LRIT1: variants seen among roughly 807,000 people sequenced by gnomAD.
The protein encoded by LRIT1 is leucine-rich repeat, immunoglobulin-like domain and transmembrane domain-containing protein 1.
LRIT1 carries 23 observed loss-of-function variants against 24.0 expected under a neutral mutation model. That is an observed-to-expected ratio of 0.96 (90% CI 0.69 to 1.36). LRIT1 has a LOEUF of 1.36. LRIT1 is among the 40% of genes most tolerant of loss of function. The pLI, the probability that LRIT1 is intolerant of heterozygous loss-of-function variation, is 0.00. For missense variants in LRIT1, 846 were observed against 806.3 expected, an observed-to-expected ratio of 1.05 and a Z score of -0.60; for synonymous variants, 361 against 340.5, an observed-to-expected ratio of 1.06 and a Z score of -0.66.
In LRIT1 at chr10:84,232,303, C is replaced by T. The variant is rs762883826; in HGVS notation, c.1496G>A (p.Cys499Tyr). ...CTTCCGGGGCACCAGGCCCTGCACA[C>T]AGACACACGCCACATACTTGGTCTT... ...LPKTKYVACV[C>Y]VQGLVPRKEQ... Residue 499 changes from cysteine to tyrosine, a missense_variant, in exon 4 of 4, where the codon TGT (cysteine) becomes TAT (tyrosine). Coordinates refer to ENST00000372105, the MANE Select transcript of LRIT1 (RefSeq NM_015613.3). 1.2e-6 allele frequency: 2 copies of T among 1,613,946 alleles called. No homozygotes were observed. Among genetic ancestry groups the T allele is most frequent in the African/African-American group, 1.3e-5 (1 of 74,944 alleles).
At chr10:84,237,087 C>G in intron 2 of LRIT1, 133 bp downstream of exon 2, 1 of 735,668 alleles carries the variant, frequency 1.4e-6, no homozygotes, top group South Asian at 1.8e-5. Flanking sequence ...CTCCTAAACC[C>G]GCCGCTCTTG....
rs907495215 is a variant in LRIT1 at position 84,237,235 on chromosome 10, G to A, written c.574C>T (p.Pro192Ser). 3 of 1,550,354 alleles carry A rather than the reference G, an allele frequency of 1.9e-6. No homozygotes were observed. Among genetic ancestry groups the A allele is most frequent in the Admixed American group, 2.0e-5 (1 of 51,010 alleles). Residue 192 changes from proline to serine, a missense_variant, in exon 2 of 4, where the codon CCC becomes TCC. Coordinates refer to ENST00000372105, the MANE Select transcript of LRIT1 (RefSeq NM_015613.3). ...CGACCCTTACCTAGGACCCGCCTGG[G>A]GTGGTGGCCGGGAGGAAAGATACCG... ...ETGIFPPGHH[P>S]RRVLGLQDNP...
rs2132866090 is a variant in LRIT1 at position 84,237,240 on chromosome 10, T to A, written c.569A>T (p.His190Leu). ...HLETGIFPPGHHPRRVLGLQD... is the reference protein window; with the variant it reads ...HLETGIFPPGLHPRRVLGLQD... Reference sequence around the variant, plus strand: ...CTTACCTAGGACCCGCCTGGGGTGGTGGCCGGGAGGAAAGATACCGGTCTC... The same window carrying A: ...CTTACCTAGGACCCGCCTGGGGTGGAGGCCGGGAGGAAAGATACCGGTCTC... The change falls in exon 2 of 4, where the codon CAC (histidine) becomes CTC (leucine). Residue 190 changes from histidine (H) to leucine (L), a missense_variant. His to Leu is a moderately conservative substitution (Grantham distance 99, BLOSUM62 -3). Coordinates refer to ENST00000372105, the MANE Select transcript of LRIT1 (RefSeq NM_015613.3). 2.6e-6 allele frequency: 4 copies of A among 1,550,332 alleles called. No homozygotes were observed. The highest frequency in any genetic ancestry group is 3.5e-6 in the Non-Finnish European group (4 of 1,146,922).
Position 84,232,047 on chromosome 10 carries a change from C to A in LRIT1, c.1752G>T (p.Leu584Phe), listed in dbSNP as rs1225682242. 1 of 1,614,160 alleles carries A rather than the reference C, an allele frequency of 6.2e-7. No individual in the cohort carries two copies. The highest frequency in any genetic ancestry group is 8.5e-7 in the Non-Finnish European group (1 of 1,180,024). ...TGACACTGTGCCGGGACAGCTCCTC[C>A]AAGCCGTCCTCGCTGTAGCCCAGTC... is the stretch of plus-strand genomic sequence containing the variant. ...LERLGYSEDG[L>F]EELSRHSVSE... The change falls in exon 4 of 4, where the codon TTG becomes TTT. Residue 584 changes from leucine (L) to phenylalanine (F), a missense_variant. By Grantham distance (22) the Leu-to-Phe change is conservative. Coordinates refer to ENST00000372105, the MANE Select transcript of LRIT1 (RefSeq NM_015613.3).
At chr10:84,234,479 G>C in intron 2 of LRIT1, 101 bp from the exon 3 acceptor site, 1 of 950,616 alleles carries the variant, frequency 1.1e-6, no homozygotes, top group Non-Finnish European at 1.5e-6. Flanking sequence ...TCCTCATTCA[G>C]AGTCAGCAGA....
intron 1 of LRIT1, among the ~76,000 whole-genome samples, chr10:84,239,815 A>G (rs912362523): frequency 2.0e-5 from 3 of 152,186 alleles, no homozygotes; most frequent in Non-Finnish European, 2.9e-5. Context: ...GGCTTCTGAC[A>G]TGCAGAACGA....
chr10:84,236,431 T>C (rs936406744), intron 2 of LRIT1, among the ~76,000 whole-genome samples: 1 of 151,972 alleles, frequency 6.6e-6, no homozygotes, highest in Non-Finnish European at 1.5e-5. Context: ...GTTTATAACA[T>C]AGTGCAGATA....
At position 84,232,358 on chromosome 10, in the gene LRIT1, T is replaced by C; in HGVS notation, c.1441A>G (p.Thr481Ala). 1 of 1,613,832 alleles carries C rather than the reference T, an allele frequency of 6.2e-7. No individual in the cohort carries two copies. The highest frequency in any genetic ancestry group is 8.5e-7 in the Non-Finnish European group (1 of 1,179,884). The stretch of plus-strand genomic sequence containing the variant: ...AACAGCCCAGTGATGGTCACTCTGG[T>C]CTTCCCAGGCTGCACAATCACCCGC... ...MRRVIVQPGK[T>A]RVTITGLLPK... The change falls in exon 4 of 4, where the codon ACC becomes GCC. Residue 481 changes from threonine (T) to alanine (A), a missense_variant. Thr to Ala is a moderately conservative substitution (Grantham distance 58, BLOSUM62 0). Transcript: ENST00000372105.
In LRIT1 at chr10:84,237,463, C is replaced by G. The variant is rs766437891; in HGVS notation, c.346G>C (p.Gly116Arg). ...CAGGGGAAGGCGGCCAGGCGGTTCC[C>G]GGGCAGCCGCAGCTCCCGCAGGCGT... ...LRRLRELRLP[G>R]NRLAAFPWAA... The change falls in exon 2 of 4, where the codon GGG (glycine) becomes CGG (arginine). Residue 116 changes from glycine to arginine, a missense_variant. Physicochemically the swap from Gly to Arg is moderately radical, Grantham distance 125. Coordinates refer to ENST00000372105, the MANE Select transcript of LRIT1 (RefSeq NM_015613.3). The G allele has an allele frequency of 2.6e-6, 4 of 1,567,480 alleles. No homozygotes were observed. The highest frequency in any genetic ancestry group is 1.3e-5 in the African/African-American group (1 of 74,102).
At chr10:84,234,518 T>G in intron 2 of LRIT1, 140 bp from the exon 3 acceptor site, 2 of 554,558 alleles carry the variant, frequency 3.6e-6, no homozygotes, top group Non-Finnish European at 6.1e-6. Flanking sequence ...CTCCTTGCCT[T>G]GCTAGTAGTA....
intron 2 of LRIT1, among the ~76,000 whole-genome samples, chr10:84,236,445 T>C (rs1388576600): frequency 6.6e-6 from 1 of 152,228 alleles, no homozygotes; most frequent in East Asian, 1.9e-4. Context: ...GCAGATATAG[T>C]ATACTATAGA....
At chr10:84,234,796 A>T (rs1177543036) in intron 2 of LRIT1, among the ~76,000 whole-genome samples, 2 of 152,132 alleles carry the variant, frequency 1.3e-5, no homozygotes, top group African/African-American at 4.8e-5. Flanking sequence ...CCCAGTATAA[A>T]TGGTATTTTC....
intron 3 of LRIT1, 48 bp from the exon 4 acceptor site, chr10:84,232,951 C>A: frequency 6.4e-7 from 1 of 1,566,612 alleles, no homozygotes; most frequent in South Asian, 1.2e-5. Context: ...GCCCATCTGC[C>A]CCAAGCTGCC....
rs535903526 is a variant in LRIT1 at position 84,239,060 on chromosome 10, C to A, written c.123-1374G>T. 7.9e-5 allele frequency among the ~76,000 whole-genome samples: 12 copies of A among 152,320 alleles called. 1 individual carries two copies. In the East Asian group the frequency reaches 2.3e-3, roughly 29 times the overall value. ...ATCACCAGCATCCCTCAGCATAAGTCTATGCTCCACTTAAAGGCAGCTGGG... is the reference window on the plus strand; with the variant it reads ...ATCACCAGCATCCCTCAGCATAAGTATATGCTCCACTTAAAGGCAGCTGGG... On this transcript the variant is annotated intron_variant, in intron 1 of 3. Coordinates refer to ENST00000372105, the MANE Select transcript of LRIT1 (RefSeq NM_015613.3).
In LRIT1 at chr10:84,232,504, C is replaced by G; in HGVS notation, c.1295G>C (p.Arg432Thr). ...RAGPSEARMV[R>T]SVKVVGDTYH... ...AGTGTCCCCCACCACCTTCACAGACCTCACCATTCGTGCCTCTGAGGGTCC... is the reference window on the plus strand; with the variant it reads ...AGTGTCCCCCACCACCTTCACAGACGTCACCATTCGTGCCTCTGAGGGTCC... The change falls in exon 4 of 4, where the codon AGG becomes ACG. Residue 432 changes from arginine to threonine, a missense_variant. Coordinates refer to ENST00000372105, the MANE Select transcript of LRIT1 (RefSeq NM_015613.3). The G allele has an allele frequency of 1.9e-6, 3 of 1,614,204 alleles. No homozygotes were observed. Among genetic ancestry groups the G allele is most frequent in the Non-Finnish European group, 2.5e-6 (3 of 1,180,034 alleles).
intron 1 of LRIT1, among the ~76,000 whole-genome samples, chr10:84,239,510 G>C (rs1163442158): frequency 1.3e-5 from 2 of 152,208 alleles, no homozygotes; most frequent in Non-Finnish European, 2.9e-5. Context: ...GAGAAAGACA[G>C]GTGATTGGAA....
chr10:84,235,755 T>C (rs1323793673), intron 2 of LRIT1, among the ~76,000 whole-genome samples: 1 of 151,996 alleles, frequency 6.6e-6, no homozygotes, highest in African/African-American at 2.4e-5. Flanking sequence ...GGATTACAGG[T>C]GCCCACCACC....
intron 1 of LRIT1, among the ~76,000 whole-genome samples, chr10:84,238,350 C>T (rs1391800977): frequency 6.8e-6 from 1 of 146,892 alleles, no homozygotes; most frequent in East Asian, 2.0e-4. Flanking sequence ...GCAAGACTGT[C>T]TCAAAAAAAA....
intron 1 of LRIT1, among the ~76,000 whole-genome samples, chr10:84,240,024 T>C (rs1388783406): frequency 1.3e-4 from 20 of 152,224 alleles, no homozygotes; most frequent in Admixed American, 1.3e-3. Context: ...CCCTAGAAAC[T>C]CATTTTCCAT....
Sources: allele counts gnomAD v4.1 joint callset (sites outside exome capture counted in the v4.1 genomes callset), GRCh38; gene constraint gnomAD v4.1.1; transcripts MANE v1.5; gene names NCBI Gene and HGNC (gene_info 2026-07-23, HGNC 2026-07-21).